The following GSK3B variants were observed in gnomAD, a reference collection of about 807,000 sequenced individuals.
The protein encoded by GSK3B is glycogen synthase kinase 3 beta, also known as glycogen synthase kinase-3 beta.
In GSK3B, 15 loss-of-function variants were observed where a neutral mutation model predicts 56.4. The observed-to-expected ratio is 0.27, with a 90% CI of 0.18 to 0.41. GSK3B has a LOEUF of 0.41. Among genes scored for constraint, GSK3B ranks in the 10% least tolerant of loss-of-function variants. The pLI is 1.00. For synonymous variants in GSK3B, 181 were observed against 188.9 expected (o/e 0.96, Z 0.34); for missense variants, 300 against 513.4 (o/e 0.58, Z 4.02).
intron 1 of GSK3B, among the ~76,000 whole-genome samples, chr3:120,051,492 C>A (rs1489983727): frequency 6.6e-6 from 1 of 152,094 alleles, no homozygotes; most frequent in East Asian, 1.9e-4. Context: ...CTGGGTCAGG[C>A]GCGGTGGCTC....
At chr3:119,888,332 AT>A (rs1306310976) in intron 7 of GSK3B, among the ~76,000 whole-genome samples, 1 of 152,168 alleles carries the variant, frequency 6.6e-6, no homozygotes, top group Non-Finnish European at 1.5e-5. Flanking sequence ...TAATATGGAC[AT>A]TTATCAGTTC....
chr3:119,962,737 A>G (rs780990844), intron 2 of GSK3B, among the ~76,000 whole-genome samples: 40 of 152,096 alleles, frequency 2.6e-4, no homozygotes, highest in Non-Finnish European at 5.4e-4. Context: ...GCAGTCCTCA[A>G]CCTTTTTGGC....
intron 7 of GSK3B, among the ~76,000 whole-genome samples, chr3:119,901,319 T>C (rs1433836330): frequency 1.3e-5 from 2 of 152,182 alleles, no homozygotes; most frequent in South Asian, 2.1e-4. Context: ...TTTTGATATG[T>C]AGAGGTCAAA....
At chr3:119,871,675 T>C (rs555824692) in intron 8 of GSK3B, among the ~76,000 whole-genome samples, 8 of 151,512 alleles carry the variant, frequency 5.3e-5, no homozygotes, top group Non-Finnish European at 2.9e-5. Flanking sequence ...TCTAAGACAG[T>C]GGAAGGGGGA....
At chr3:120,033,810 C>T (rs2057998992) in intron 1 of GSK3B, among the ~76,000 whole-genome samples, 2 of 152,136 alleles carry the variant, frequency 1.3e-5, no homozygotes, top group Non-Finnish European at 2.9e-5. Context: ...TCTCCTGCTC[C>T]ACCACGGTAA....
At chr3:120,046,925 T>A (rs984125831) in intron 1 of GSK3B, among the ~76,000 whole-genome samples, 6 of 152,192 alleles carry the variant, frequency 3.9e-5, no homozygotes, top group African/African-American at 1.4e-4. Context: ...CTTTTAATTT[T>A]AGACTAGACC....
chr3:119,928,680 G>A, intron 3 of GSK3B, among the ~76,000 whole-genome samples: 1 of 147,824 alleles, frequency 6.8e-6, no homozygotes. Flanking sequence ...ATCAGGAGAA[G>A]GAAGAAACAA....
intron 7 of GSK3B, among the ~76,000 whole-genome samples, chr3:119,893,770 T>C (rs768619105): frequency 1.3e-5 from 2 of 152,074 alleles, no homozygotes; most frequent in African/African-American, 2.4e-5. Flanking sequence ...AGAAACCCTT[T>C]AGAGTCCTTT....
chr3:120,071,727 T>C (rs868183958), intron 1 of GSK3B, among the ~76,000 whole-genome samples: 26 of 152,266 alleles, frequency 1.7e-4, no homozygotes, highest in Middle Eastern at 3.4e-3. Context: ...TACATTACAA[T>C]GTAATAATAA....
intron 2 of GSK3B, among the ~76,000 whole-genome samples, chr3:119,953,304 T>C (rs113067688): frequency 0.026 from 3,952 of 152,084 alleles, 176 homozygotes; most frequent in African/African-American, 0.089. Flanking sequence ...ATGAGAGATA[T>C]AGAAAACAAA....
chr3:120,007,134 C>G (rs1252537014), intron 1 of GSK3B, among the ~76,000 whole-genome samples: 2 of 152,138 alleles, frequency 1.3e-5, no homozygotes, highest in East Asian at 3.8e-4. Context: ...ACTATAAACA[C>G]CTCTACGCAA....
At chr3:119,873,625 T>C (rs889471793) in intron 8 of GSK3B, among the ~76,000 whole-genome samples, 1 of 151,980 alleles carries the variant, frequency 6.6e-6, no homozygotes, top group Admixed American at 6.6e-5. Context: ...GGGAAAGGAG[T>C]CTGAGTTCCC....
At chr3:119,887,141 T>C (rs1235062066) in intron 7 of GSK3B, among the ~76,000 whole-genome samples, 2 of 152,180 alleles carry the variant, frequency 1.3e-5, no homozygotes, top group Non-Finnish European at 2.9e-5. Context: ...TATTTTAAAA[T>C]GCTTTGTGAA....
chr3:119,905,709 C>T (rs2056676300), intron 7 of GSK3B, 46 bp downstream of exon 7: 1 of 1,044,728 alleles, frequency 9.6e-7, no homozygotes, highest in Non-Finnish European at 1.5e-6. Context: ...ATTAAAGTAG[C>T]ACAAAAATTC....
At chr3:120,022,154 G>GC (rs1257956562) in intron 1 of GSK3B, among the ~76,000 whole-genome samples, 1 of 152,168 alleles carries the variant, frequency 6.6e-6, no homozygotes, top group African/African-American at 2.4e-5. Flanking sequence ...TAAACAATTG[G>GC]CACAGCCACC....
At chr3:119,942,615 T>G (rs2057061111) in intron 3 of GSK3B, among the ~76,000 whole-genome samples, 1 of 152,096 alleles carries the variant, frequency 6.6e-6, no homozygotes. Flanking sequence ...ATCTTCAGAG[T>G]CCTAGAGTTC....
At chr3:120,022,284 A>C (rs1156327103) in intron 1 of GSK3B, among the ~76,000 whole-genome samples, 1 of 152,246 alleles carries the variant, frequency 6.6e-6, no homozygotes, top group Non-Finnish European at 1.5e-5. Flanking sequence ...GGATGTTTTA[A>C]CTAAGGCTGT....
intron 1 of GSK3B, among the ~76,000 whole-genome samples, chr3:120,033,677 T>C (rs1289394524): frequency 6.6e-6 from 1 of 151,996 alleles, no homozygotes; most frequent in Non-Finnish European, 1.5e-5. Context: ...CTGGTGGGAG[T>C]TGAATGAATC....
At chr3:119,999,432 C>T (rs1226425333) in intron 2 of GSK3B, among the ~76,000 whole-genome samples, 1 of 152,134 alleles carries the variant, frequency 6.6e-6, no homozygotes, top group Admixed American at 6.5e-5. Flanking sequence ...ACTTAGGTTT[C>T]CTTATCCAAA....
Sources: gnomAD v4.1 joint callset for allele counts (sites outside exome capture counted in the v4.1 genomes callset) on GRCh38, gnomAD v4.1.1 for gene constraint, MANE v1.5 for transcripts, NCBI Gene and HGNC (gene_info 2026-07-23, HGNC 2026-07-21) for gene names.